SMARCC1: variants seen among roughly 807,000 people sequenced by gnomAD.
SMARCC1 encodes SWI/SNF complex subunit SMARCC1.
A neutral mutation model predicts 147.4 loss-of-function variants in SMARCC1; 43 were observed. The observed-to-expected ratio is 0.29, with a 90% CI of 0.23 to 0.38. SMARCC1 has a LOEUF of 0.38. Ranked by LOEUF, SMARCC1 falls within the 10% of genes least tolerant of loss-of-function variation. The pLI is 1.00. For synonymous variants in SMARCC1, 495 were observed against 484.4 expected, an observed-to-expected ratio of 1.02 and a Z score of -0.29; for missense variants, 1,119 against 1,381.1, an observed-to-expected ratio of 0.81 and a Z score of 3.01.
At chr3:47,768,549 T>C (rs756251357) in intron 2 of SMARCC1, among the ~76,000 whole-genome samples, 1 of 152,236 alleles carries the variant, frequency 6.6e-6, no homozygotes, top group Non-Finnish European at 1.5e-5. Context: ...TGTAAAATAC[T>C]TTATATAATG....
At chr3:47,662,690 C>G (rs1461396953) in intron 19 of SMARCC1, 98 bp from the exon 20 acceptor site, 1 of 947,196 alleles carries the variant, frequency 1.1e-6, no homozygotes, top group Non-Finnish European at 1.6e-6. Flanking sequence ...AAAATTAATG[C>G]AAATATTTAT....
Position 47,588,140 on chromosome 3 carries a change from G to A in SMARCC1, c.*69C>T. 2 of 1,250,406 alleles carry A rather than the reference G, an allele frequency of 1.6e-6. No homozygotes were observed. Among genetic ancestry groups the A allele is most frequent in the South Asian group, 2.5e-5 (2 of 79,142 alleles). The allele number at this position is 1,250,406 out of a possible 1,614,324, so 77.5% of individuals were successfully genotyped here. On this transcript the variant is annotated 3_prime_UTR_variant, in exon 28 of 28. Transcript: ENST00000254480. ...CTGAAAGAAACCCAAGAAAGTTGAGGAACACAAGTCTTGTCATCCCCACTC... is the reference window on the plus strand; with the variant it reads ...CTGAAAGAAACCCAAGAAAGTTGAGAAACACAAGTCTTGTCATCCCCACTC...
chr3:47,699,414 G>A (rs1209051554), intron 11 of SMARCC1, among the ~76,000 whole-genome samples: 1 of 152,072 alleles, frequency 6.6e-6, no homozygotes, highest in Non-Finnish European at 1.5e-5. Flanking sequence ...TTCAGCGTTA[G>A]TGCTTTAGCC....
At chr3:47,602,723 G>A (rs997331935) in intron 26 of SMARCC1, among the ~76,000 whole-genome samples, 2 of 152,220 alleles carry the variant, frequency 1.3e-5, no homozygotes, top group Non-Finnish European at 2.9e-5. Flanking sequence ...AGGAAACAAT[G>A]AAAATATTTA....
intron 22 of SMARCC1, among the ~76,000 whole-genome samples, chr3:47,637,173 G>C (rs752521215): frequency 6.6e-6 from 1 of 152,068 alleles, no homozygotes; most frequent in Non-Finnish European, 1.5e-5. Flanking sequence ...GGGACTACAA[G>C]TATGACACAC....
intron 1 of SMARCC1, 119 bp from the exon 2 acceptor site, chr3:47,773,055 A>T (rs1189164172): frequency 2.5e-6 from 2 of 810,292 alleles, no homozygotes; most frequent in Non-Finnish European, 3.9e-6. Context: ...TGTCTGAGAC[A>T]CGCTCTGTGC....
chr3:47,636,089 T>C lies in SMARCC1; in HGVS notation c.2424A>G (p.Gln808=). Reference sequence around the variant, plus strand: ...CACTATTTTTTTCATTTTCTCCATCTTGTGCTTTATCACCTTCATCCGTTT... The same window carrying C: ...CACTATTTTTTTCATTTTCTCCATCCTGTGCTTTATCACCTTCATCCGTTT... ...ENETDEGDKA[Q]DGENEKNSEK... is the part of the protein sequence containing the mutation. Residue 808 remains glutamine, a synonymous_variant, in exon 23 of 28, where the codon CAA becomes CAG. Coordinates refer to ENST00000254480, the MANE Select transcript of SMARCC1 (RefSeq NM_003074.4). 1.2e-6 allele frequency: 2 copies of C among 1,610,200 alleles called. No individual in the cohort carries two copies. The highest frequency in any genetic ancestry group is 8.5e-7 in the Non-Finnish European group (1 of 1,177,088).
chr3:47,751,831 C>T (rs2034633582), intron 2 of SMARCC1, among the ~76,000 whole-genome samples: 1 of 152,000 alleles, frequency 6.6e-6, no homozygotes, highest in Admixed American at 6.6e-5. Flanking sequence ...CGCCTGTAAT[C>T]CTAGCACTTT....
intron 1 of SMARCC1, among the ~76,000 whole-genome samples, chr3:47,781,275 G>A (rs973732250): frequency 1.3e-5 from 2 of 152,206 alleles, no homozygotes; most frequent in Admixed American, 6.5e-5. Flanking sequence ...GGTCTTTAGG[G>A]ATCATTGTTC....
intron 11 of SMARCC1, among the ~76,000 whole-genome samples, chr3:47,697,268 A>G (rs2033865154): frequency 6.7e-6 from 1 of 149,018 alleles, no homozygotes; most frequent in African/African-American, 2.5e-5. Flanking sequence ...CTGCCAATGC[A>G]CTCCAGCCTG....
intron 2 of SMARCC1, among the ~76,000 whole-genome samples, chr3:47,762,697 G>A (rs1284271617): frequency 6.6e-6 from 1 of 152,030 alleles, no homozygotes; most frequent in Non-Finnish European, 1.5e-5. Flanking sequence ...CGAGATGGGA[G>A]AATCACCTGA....
chr3:47,626,749 T>G (rs2032816787), intron 24 of SMARCC1, among the ~76,000 whole-genome samples: 1 of 152,144 alleles, frequency 6.6e-6, no homozygotes, highest in Non-Finnish European at 1.5e-5. Flanking sequence ...GTGGTAGCCT[T>G]TTCTAAGCCC....
At chr3:47,668,455 A>G (rs1389380527) in intron 19 of SMARCC1, among the ~76,000 whole-genome samples, 1 of 152,212 alleles carries the variant, frequency 6.6e-6, no homozygotes, top group Non-Finnish European at 1.5e-5. Context: ...TATCGTATAC[A>G]TTCCACTTTG....
chr3:47,645,398 T>C (rs2033106138), intron 21 of SMARCC1, among the ~76,000 whole-genome samples: 3 of 151,364 alleles, frequency 2.0e-5, no homozygotes, highest in Admixed American at 6.6e-5. Flanking sequence ...ATGAGTAAAA[T>C]TGAAGTTAAA....
At chr3:47,650,298 A>AATAATAATTATT (rs770226262) in intron 21 of SMARCC1, among the ~76,000 whole-genome samples, 2 of 141,062 alleles carry the variant, frequency 1.4e-5, no homozygotes, top group African/African-American at 2.6e-5. Flanking sequence ...TAATAATAAT[A>AATAATAATTATT]ATTATTATTA....
intron 11 of SMARCC1, among the ~76,000 whole-genome samples, chr3:47,694,072 T>C (rs1023611036): frequency 1.3e-5 from 2 of 152,352 alleles, no homozygotes; most frequent in East Asian, 1.9e-4. Flanking sequence ...ACGGACCTTC[T>C]TTCCATGTAA....
At chr3:47,725,507 G>A (rs2034287754) in intron 6 of SMARCC1, among the ~76,000 whole-genome samples, 1 of 152,130 alleles carries the variant, frequency 6.6e-6, no homozygotes, top group Middle Eastern at 3.4e-3. Flanking sequence ...CTGGAGCACA[G>A]TGATGCCATC....
chr3:47,686,620 G>C (rs1347020079), intron 13 of SMARCC1, among the ~76,000 whole-genome samples: 1 of 151,566 alleles, frequency 6.6e-6, no homozygotes, highest in Non-Finnish European at 1.5e-5. Context: ...TTTTGATATT[G>C]AAATGTTTTA....
intron 22 of SMARCC1, among the ~76,000 whole-genome samples, chr3:47,636,786 ATATGTGTG>A (rs1264770305): frequency 0.055 from 7,741 of 140,918 alleles, 358 homozygotes; most frequent in Admixed American, 0.13. Flanking sequence ...CAAAATATAT[ATATGTGTG>A]TGTGTGTGTG....
Sources: gnomAD v4.1 joint callset for allele counts (sites outside exome capture counted in the v4.1 genomes callset) on GRCh38, gnomAD v4.1.1 for gene constraint, MANE v1.5 for transcripts, NCBI Gene and HGNC (gene_info 2026-07-23, HGNC 2026-07-21) for gene names.